Variants in WIPI2 observed in about 807,000 individuals in gnomAD.
The protein encoded by WIPI2 is WD repeat domain phosphoinositide-interacting protein 2.
A neutral mutation model predicts 52.3 loss-of-function variants in WIPI2; 28 were observed. That is an observed-to-expected ratio of 0.54 (90% CI 0.40 to 0.73). The LOEUF is 0.73. Ranked by LOEUF, WIPI2 falls within the 30% of genes least tolerant of loss-of-function variation. WIPI2 has a pLI of 0.00. For missense variants in WIPI2, 506 were observed against 602.9 expected (o/e 0.84, Z 1.68); for synonymous variants, 268 against 245.0 (o/e 1.09, Z -0.88).
intron 8 of WIPI2, among the ~76,000 whole-genome samples, chr7:5,223,916 A>G (rs1318623780): frequency 6.6e-6 from 1 of 152,120 alleles, no homozygotes; most frequent in African/African-American, 2.4e-5. Flanking sequence ...CTCTCCCGCC[A>G]CGCCACCTGA....
intron 5 of WIPI2, chr7:5,216,878 C>T: frequency 1.4e-6 from 1 of 700,222 alleles, no homozygotes; most frequent in Non-Finnish European, 2.4e-6. Context: ...CTGATCAGTT[C>T]AAACCAAAGG....
intron 2 of WIPI2, 129 bp from the exon 3 acceptor site, chr7:5,199,447 G>A: frequency 2.8e-6 from 2 of 716,488 alleles, no homozygotes; most frequent in Non-Finnish European, 4.9e-6. Context: ...GAAATGATTT[G>A]CTCTGTGCTG....
At chr7:5,217,233 T>C (rs753425934) in intron 6 of WIPI2, 46 bp downstream of exon 6, 34 of 1,601,122 alleles carry the variant, frequency 2.1e-5, no homozygotes, top group South Asian at 4.4e-5. Context: ...GTGTGGCTTT[T>C]TCCTGAAGAG....
In WIPI2 at chr7:5,216,545, G is replaced by A. The variant is rs372210048; in HGVS notation, c.382-18G>A. 38 of 1,613,206 alleles carry A rather than the reference G, an allele frequency of 2.4e-5. No individual in the cohort carries two copies. Among genetic ancestry groups the A allele is most frequent in the African/African-American group, 1.3e-4 (10 of 74,908 alleles). ...TGGCCGTTGCTTCACGTTTGGTTTC[G>A]TTTTGTCTCTCGCCTAGAGGCTGAT... On this transcript the variant is annotated intron_variant, in intron 4 of 12. Transcript: ENST00000288828.
intron 4 of WIPI2, 94 bp from the exon 5 acceptor site, chr7:5,216,469 A>G (rs1295523090): frequency 2.1e-6 from 2 of 938,408 alleles, no homozygotes; most frequent in Non-Finnish European, 3.4e-6. Flanking sequence ...AAGGAATGAG[A>G]GCGTCATAGT....
rs115592056 is a variant in WIPI2, at chr7:5,223,680, C to T, written c.740+1008C>T. Among the ~76,000 whole-genome samples the T allele has an allele frequency of 3.8e-3, 584 of 152,242 alleles. 6 individuals are homozygous for T. The highest frequency in any genetic ancestry group is 0.013 in the African/African-American group (552 of 41,502). On this transcript the variant is annotated intron_variant, in intron 8 of 12. Coordinates refer to ENST00000288828, the MANE Select transcript of WIPI2 (RefSeq NM_015610.4). ...GGGGCTGGACGTGTAGCCTGGCTTC[C>T]TTCTTGAGGTGCCCGTATTCCTCCT...
At chr7:5,202,966 A>G (rs755304592) in intron 3 of WIPI2, among the ~76,000 whole-genome samples, 7 of 152,198 alleles carry the variant, frequency 4.6e-5, no homozygotes, top group Non-Finnish European at 8.8e-5. Flanking sequence ...CATTTGCTAA[A>G]CTGGATTCTG....
chr7:5,203,272 G>A (rs1326840063), intron 3 of WIPI2, among the ~76,000 whole-genome samples: 1 of 152,180 alleles, frequency 6.6e-6, no homozygotes, highest in Non-Finnish European at 1.5e-5. Context: ...TCCTACAGAG[G>A]AGAAACCACG....
chr7:5,221,772 G>A (rs879684854), intron 7 of WIPI2, among the ~76,000 whole-genome samples: 20 of 152,186 alleles, frequency 1.3e-4, no homozygotes, highest in Admixed American at 1.3e-4. Flanking sequence ...TTTTCTTCAT[G>A]TGCATCTTAC....
Position 5,228,161 on chromosome 7 carries a change from C to T in WIPI2, c.1071C>T (p.Tyr357=), listed in dbSNP as rs1185425942. ...VGAADGYLYM[Y]NLDPQEGGEC... is the part of the protein sequence containing the mutation. The stretch of plus-strand genomic sequence containing the variant: ...CCGCCGACGGGTACCTGTACATGTA[C>T]AACCTGGACCCCCAGGAGGGCGGCG... Residue 357 remains tyrosine, a synonymous_variant, in exon 11 of 13, where the codon TAC becomes TAT. Coordinates refer to ENST00000288828, the MANE Select transcript of WIPI2 (RefSeq NM_015610.4). 1.9e-6 allele frequency: 3 copies of T among 1,613,908 alleles called. No homozygotes were observed. The highest frequency in any genetic ancestry group is 2.5e-6 in the Non-Finnish European group (3 of 1,180,006).
rs1438272690 is a variant in WIPI2 at position 5,229,667 on chromosome 7, C to T, written c.1181C>T (p.Pro394Leu). 3 of 1,614,058 alleles carry T rather than the reference C, an allele frequency of 1.9e-6. No individual in the cohort carries two copies. The highest frequency in any genetic ancestry group is 1.7e-5 in the Admixed American group (1 of 60,000). Residue 394 changes from proline to leucine, a missense_variant, in exon 12 of 13, where the codon CCC (proline) becomes CTC (leucine). Pro to Leu is a moderately conservative substitution (Grantham distance 98). This residue lies in a region of WIPI2 where 194 missense variants were observed against 175.1 expected (regional missense o/e 1.11). Transcript: ENST00000288828. ...EILDSASHDC[P>L]LVTQTYGAAA... Reference sequence around the variant, plus strand: ...TTGGACTCTGCCTCTCACGACTGCCCCTTAGTCACTCAGACATACGGCGCA... The same window carrying T: ...TTGGACTCTGCCTCTCACGACTGCCTCTTAGTCACTCAGACATACGGCGCA...
At chr7:5,200,165 A>G (rs1003344085) in intron 3 of WIPI2, among the ~76,000 whole-genome samples, 1 of 152,146 alleles carries the variant, frequency 6.6e-6, no homozygotes, top group African/African-American at 2.4e-5. Flanking sequence ...GGATTACTTC[A>G]TCTCTGGGCC....
At chr7:5,214,046 CTT>C in intron 3 of WIPI2, 1 of 230,720 alleles carries the variant, frequency 4.3e-6, no homozygotes, top group South Asian at 5.8e-5. Context: ...ATAGCGACAT[CTT>C]TTTAATAAAT....
At chr7:5,213,274 A>G (rs751890027) in intron 3 of WIPI2, 4 of 152,286 alleles carry the variant, frequency 2.6e-5, no homozygotes, top group Non-Finnish European at 5.9e-5. Context: ...GTCAGAAAGA[A>G]GGTTTATGAC....
chr7:5,210,150 C>G (rs561983274), intron 3 of WIPI2, among the ~76,000 whole-genome samples: 7 of 152,140 alleles, frequency 4.6e-5, no homozygotes, highest in Admixed American at 4.6e-4. Context: ...CTCAGGTGAT[C>G]TGCCTGCCTC....
chr7:5,222,625 C>G lies in WIPI2; in HGVS notation c.693C>G (p.Ser231=). 7 of 1,614,054 alleles carry G rather than the reference C, an allele frequency of 4.3e-6. No individual in the cohort carries two copies. Among genetic ancestry groups the G allele is most frequent in the Non-Finnish European group, 5.9e-6 (7 of 1,179,928 alleles). ...AGGGGACCGTGATTAGGGTATTTTC[C>G]ATTCCAGAAGGACAAAAACTCTTTG... ...SEKGTVIRVF[S]IPEGQKLFEF... The change falls in exon 8 of 13, where the codon TCC becomes TCG. Residue 231 remains serine (S), a synonymous_variant. Transcript: ENST00000288828.
At chr7:5,209,796 C>T (rs1782462514) in intron 3 of WIPI2, among the ~76,000 whole-genome samples, 1 of 152,184 alleles carries the variant, frequency 6.6e-6, no homozygotes, top group African/African-American at 2.4e-5. Flanking sequence ...ATAAATCCAT[C>T]TCAGTATATC....
chr7:5,201,538 G>A (rs906048017), intron 3 of WIPI2, among the ~76,000 whole-genome samples: 7 of 152,212 alleles, frequency 4.6e-5, no homozygotes, highest in African/African-American at 1.7e-4. Context: ...GAGGCCAGGA[G>A]TTGAAGACGA....
At chr7:5,210,841 C>T (rs534973872) in intron 3 of WIPI2, among the ~76,000 whole-genome samples, 1 of 152,280 alleles carries the variant, frequency 6.6e-6, no homozygotes, top group East Asian at 1.9e-4. Context: ...AAGACAACCT[C>T]GTTTTGTGTG....
Sources: gnomAD v4.1 joint callset for allele counts (sites outside exome capture counted in the v4.1 genomes callset) on GRCh38, gnomAD v4.1.1 for gene constraint, gnomAD v4.1.1 regional missense constraint, MANE v1.5 for transcripts, NCBI Gene and HGNC (gene_info 2026-07-23, HGNC 2026-07-21) for gene names.